The following MBTPS1 variants were observed in gnomAD, a reference collection of about 807,000 sequenced individuals.
MBTPS1 encodes membrane bound transcription factor peptidase, site 1.
A neutral mutation model predicts 127.8 loss-of-function variants in MBTPS1; 94 were observed. The ratio of observed to expected loss-of-function variants is 0.74; its 90% CI spans 0.62 to 0.87. The LOEUF is 0.87. Ranked by LOEUF, MBTPS1 falls within the 40% of genes least tolerant of loss-of-function variation. MBTPS1 has a pLI of 0.00. For missense variants in MBTPS1, 1,636 were observed against 1,353.2 expected (o/e 1.21, Z -3.28); for synonymous variants, 632 against 509.4 (o/e 1.24, Z -3.24).
chr16:84,060,555 T>C, intron 20 of MBTPS1, 127 bp downstream of exon 20: 1 of 1,101,350 alleles, frequency 9.1e-7, no homozygotes, highest in Non-Finnish European at 1.3e-6. Flanking sequence ...CCGCAGCCAT[T>C]ACGAAAACCA....
Position 84,099,322 on chromosome 16 carries a change from C to A in MBTPS1, c.164-12G>T. On this transcript the variant is annotated splice_polypyrimidine_tract_variant and intron_variant, in intron 2 of 22. Coordinates refer to ENST00000343411, the MANE Select transcript of MBTPS1 (RefSeq NM_003791.4). ...AGCCACAATATATTCTGAAACCAATCACCACAAACAAAAATAAGATTTACG... is the reference window on the plus strand; with the variant it reads ...AGCCACAATATATTCTGAAACCAATAACCACAAACAAAAATAAGATTTACG... 1 of 1,610,456 alleles carries A rather than the reference C, an allele frequency of 6.2e-7. No individual in the cohort carries two copies. Among genetic ancestry groups the A allele is most frequent in the South Asian group, 1.1e-5 (1 of 90,632 alleles).
At chr16:84,105,413 T>C (rs375933826) in intron 1 of MBTPS1, among the ~76,000 whole-genome samples, 6 of 152,066 alleles carry the variant, frequency 3.9e-5, no homozygotes, top group African/African-American at 1.4e-4. Flanking sequence ...GAGGCAGGCA[T>C]CCAGGCCACA....
chr16:84,078,033 T>A (rs1209292439), intron 11 of MBTPS1, among the ~76,000 whole-genome samples: 1 of 151,964 alleles, frequency 6.6e-6, no homozygotes, highest in Non-Finnish European at 1.5e-5. Flanking sequence ...TTCTTACCAA[T>A]CAGATTTGTA....
chr16:84,070,868 G>T, intron 12 of MBTPS1, 92 bp from the exon 13 acceptor site: 2 of 1,025,004 alleles, frequency 2.0e-6, no homozygotes, highest in Non-Finnish European at 2.9e-6. Context: ...TACCAAAACT[G>T]GTTCCGAGAA....
intron 16 of MBTPS1, 74 bp from the exon 17 acceptor site, chr16:84,066,687 A>T (rs986586221): frequency 2.8e-6 from 4 of 1,408,102 alleles, no homozygotes; most frequent in Non-Finnish European, 3.9e-6. Context: ...AGTCTCTGTG[A>T]CAAAACTCAA....
chr16:84,095,774 C>T lies in MBTPS1; in HGVS notation c.453G>A (p.Arg151=), dbSNP rs1172614538. The change falls in exon 4 of 23, where the codon CGG becomes CGA. Residue 151 remains arginine, a synonymous_variant. Transcript: ENST00000343411. The part of the protein sequence containing the change: ...SDPTVPCNET[R]WSQKWQSSRP... ...GTGATGATTGCCACTTCTGGCTCCA[C>T]CGGGTTTCATTGCAGGGTACTGTGG... 1.2e-6 allele frequency: 2 copies of T among 1,613,920 alleles called. No individual in the cohort carries two copies. Among genetic ancestry groups the T allele is most frequent in the Admixed American group, 1.7e-5 (1 of 60,002 alleles).
rs894642818 is a variant in MBTPS1, at chr16:84,056,320, G to A, written c.2832-185C>T. The A allele has an allele frequency of 2.0e-5, 11 of 538,574 alleles. No homozygotes were observed. The highest frequency in any genetic ancestry group is 6.1e-5 in the East Asian group (2 of 32,816). 33.4% of individuals were successfully genotyped at this position (538,574 alleles called of 1,614,324 possible). On this transcript the variant is annotated intron_variant, in intron 21 of 22. Coordinates refer to ENST00000343411, the MANE Select transcript of MBTPS1 (RefSeq NM_003791.4). The stretch of plus-strand genomic sequence containing the variant: ...ACTATGGTGGCCGTTTCCACGTCCC[G>A]AGGGAGAAAGATCAAAATCAAGTCC...
rs777812820 is a variant in MBTPS1, at chr16:84,093,301, C to T, written c.737-4G>A. On this transcript the variant is annotated splice_region_variant and splice_polypyrimidine_tract_variant and intron_variant, in intron 5 of 22. Transcript: ENST00000343411. ...ACGAATGTGCCATGGCCCAACCCTG[C>T]AGTCCATAAAGAAAACAATCCCATA... 15 of 1,591,744 alleles carry T rather than the reference C, an allele frequency of 9.4e-6. No homozygotes were observed. The highest frequency in any genetic ancestry group is 5.0e-5 in the Admixed American group (3 of 59,980).
Position 84,068,378 on chromosome 16 carries a change from G to A in MBTPS1, c.2032C>T (p.Leu678Phe). 6.2e-7 allele frequency: 1 copy of A among 1,614,206 alleles called. No individual in the cohort carries two copies. The highest frequency in any genetic ancestry group is 8.5e-7 in the Non-Finnish European group (1 of 1,180,014). Residue 678 changes from leucine (L) to phenylalanine (F), a missense_variant, in exon 15 of 23, where the codon CTC (leucine) becomes TTC (phenylalanine). Leu to Phe is a conservative substitution (Grantham distance 22). Transcript: ENST00000343411. ...TCAAAACACGTGAAGGGGGCCCCGA[G>A]GACCTCTACAAAGTAGCCCATGCTT... is the stretch of plus-strand genomic sequence containing the variant. ...LRSMGYFVEV[L>F]GAPFTCFDAS...
chr16:84,062,500 G>C (rs1017959216), intron 19 of MBTPS1, among the ~76,000 whole-genome samples: 1 of 152,266 alleles, frequency 6.6e-6, no homozygotes, highest in Non-Finnish European at 1.5e-5. Context: ...AGCCTGAAAC[G>C]GAGGGGCACA....
At chr16:84,089,038 A>C (rs959037798) in intron 8 of MBTPS1, among the ~76,000 whole-genome samples, 3 of 152,274 alleles carry the variant, frequency 2.0e-5, no homozygotes, top group Admixed American at 6.5e-5. Context: ...ACAGGGTTTC[A>C]GAACGGCAGC....
At chr16:84,072,521 A>G (rs1201926048) in intron 12 of MBTPS1, among the ~76,000 whole-genome samples, 3 of 152,168 alleles carry the variant, frequency 2.0e-5, no homozygotes. Flanking sequence ...GTCAGGCGCG[A>G]TGGCTCACAC....
At chr16:84,055,967 G>A (rs756857054) in intron 22 of MBTPS1, 38 bp downstream of exon 22, 5 of 1,596,688 alleles carry the variant, frequency 3.1e-6, no homozygotes, top group Admixed American at 1.7e-5. Flanking sequence ...CAAAATACAG[G>A]ATGACTGAGC....
rs1230972989 is a variant in MBTPS1, at chr16:84,054,174, A to G, written c.*275T>C. 1 of 298,938 alleles carries G rather than the reference A, an allele frequency of 3.3e-6. No individual in the cohort carries two copies. The highest frequency in any genetic ancestry group is 2.2e-5 in the African/African-American group (1 of 46,320). 18.5% of individuals were successfully genotyped at this position (298,938 alleles called of 1,614,324 possible). On this transcript the variant is annotated 3_prime_UTR_variant, in exon 23 of 23. Coordinates refer to ENST00000343411, the MANE Select transcript of MBTPS1 (RefSeq NM_003791.4). ...TCAGAAGACCCCAGACAGCCTTTCCAGTTCTCCCGAGTCTTTGGTGCGCAC... is the reference window on the plus strand; with the variant it reads ...TCAGAAGACCCCAGACAGCCTTTCCGGTTCTCCCGAGTCTTTGGTGCGCAC...
chr16:84,085,613 C>T (rs938340026), intron 9 of MBTPS1, among the ~76,000 whole-genome samples: 2 of 123,274 alleles, frequency 1.6e-5, no homozygotes, highest in African/African-American at 3.1e-5. Context: ...AAGAAATTCA[C>T]TACAATACAG....
intron 11 of MBTPS1, among the ~76,000 whole-genome samples, chr16:84,080,076 G>A (rs1223921474): frequency 6.6e-6 from 1 of 152,152 alleles, no homozygotes; most frequent in Non-Finnish European, 1.5e-5. Flanking sequence ...AGAAAAGGCT[G>A]GACACATGCT....
chr16:84,100,897 G>C (rs1006715520), intron 2 of MBTPS1, among the ~76,000 whole-genome samples: 1 of 150,662 alleles, frequency 6.6e-6, no homozygotes, highest in African/African-American at 2.4e-5. Flanking sequence ...GCTCATGCCT[G>C]TAATCCCAGC....
chr16:84,063,132 C>T (rs1025130595), intron 19 of MBTPS1, among the ~76,000 whole-genome samples, 173 bp downstream of exon 19: 5 of 152,260 alleles, frequency 3.3e-5, no homozygotes, highest in African/African-American at 4.8e-5. Context: ...CACACTCAGA[C>T]ACCTATCAAA....
chr16:84,065,647 G>A lies in MBTPS1; in HGVS notation c.2431+43C>T, dbSNP rs533870433. 67 of 1,276,338 alleles carry A rather than the reference G, an allele frequency of 5.2e-5. No homozygotes were observed. The East Asian group carries it at 5.8e-4, about 11-fold the overall frequency. 79.1% of individuals were successfully genotyped at this position (1,276,338 alleles called of 1,614,324 possible). A position where few individuals can be genotyped will look rare whatever the true frequency, so the allele number is the denominator to read the frequency against. ...AGAGAGAAGCGGGGGAAAAGGGAGCGAGAGAAAGAAGAAGCAAAAGGCCCA... is the reference window on the plus strand; with the variant it reads ...AGAGAGAAGCGGGGGAAAAGGGAGCAAGAGAAAGAAGAAGCAAAAGGCCCA... On this transcript the variant is annotated intron_variant, in intron 18 of 22. Coordinates refer to ENST00000343411, the MANE Select transcript of MBTPS1 (RefSeq NM_003791.4).
Sources: allele counts gnomAD v4.1 joint callset (sites outside exome capture counted in the v4.1 genomes callset), GRCh38; gene constraint gnomAD v4.1.1; transcripts MANE v1.5; gene names NCBI Gene and HGNC (gene_info 2026-07-23, HGNC 2026-07-21).